The following PPP1R13B variants were observed in gnomAD, a reference collection of about 807,000 sequenced individuals.
The protein encoded by PPP1R13B is protein phosphatase 1 regulatory subunit 13B.
PPP1R13B carries 44 observed loss-of-function variants against 119.8 expected under a neutral mutation model. The ratio of observed to expected loss-of-function variants is 0.37; its 90% CI spans 0.29 to 0.47. The LOEUF is 0.47. PPP1R13B is among the 20% of genes least tolerant of loss of function. The pLI, the probability that PPP1R13B is intolerant of heterozygous loss-of-function variation, is 0.99. For missense variants in PPP1R13B, 1,227 were observed against 1,413.5 expected (o/e 0.87, Z 2.12); for synonymous variants, 542 against 561.5 (o/e 0.97, Z 0.49).
rs1262370906 is a variant in PPP1R13B, at chr14:103,804,892, AG to A, written c.10-7375del. 5.9e-5 allele frequency among the ~76,000 whole-genome samples: 9 copies of A among 152,358 alleles called. No homozygotes were observed. In the South Asian group the frequency reaches 1.0e-3, roughly 18 times the overall value. On this transcript the variant is annotated intron_variant, in intron 1 of 16. Coordinates refer to ENST00000202556, the MANE Select transcript of PPP1R13B (RefSeq NM_015316.3). ...TTGCATAACAGTCCAGCTGGAGTGC[AG>A]TGGCTCAATCTCAGCTCACTGCAAC... is the stretch of plus-strand genomic sequence containing the variant.
At chr14:103,787,867 G>A (rs1387665529) in intron 2 of PPP1R13B, among the ~76,000 whole-genome samples, 2 of 151,986 alleles carry the variant, frequency 1.3e-5, no homozygotes, top group Non-Finnish European at 2.9e-5. Context: ...AGCCAGGATG[G>A]TCTCGATTTC....
At chr14:103,795,384 A>T (rs1388815751) in intron 2 of PPP1R13B, among the ~76,000 whole-genome samples, 1 of 152,204 alleles carries the variant, frequency 6.6e-6, no homozygotes, top group Non-Finnish European at 1.5e-5. Context: ...AGGAGCATGT[A>T]CAAAAGCCAC....
chr14:103,777,554 A>AC (rs1406734756), intron 4 of PPP1R13B, among the ~76,000 whole-genome samples: 1 of 152,160 alleles, frequency 6.6e-6, no homozygotes, highest in Non-Finnish European at 1.5e-5. Flanking sequence ...GCACAGAGGC[A>AC]CCCACTGCCT....
chr14:103,768,910 T>C (rs1438676178), intron 4 of PPP1R13B, among the ~76,000 whole-genome samples: 3 of 152,194 alleles, frequency 2.0e-5, no homozygotes, highest in Non-Finnish European at 4.4e-5. Context: ...TACATGTACA[T>C]ATATTTCTGT....
At chr14:103,755,110 C>T (rs945102989) in intron 5 of PPP1R13B, among the ~76,000 whole-genome samples, 1 of 151,896 alleles carries the variant, frequency 6.6e-6, no homozygotes, top group Admixed American at 6.6e-5. Flanking sequence ...CTCATCTACA[C>T]CAGTTAATAT....
At chr14:103,801,990 A>G (rs977585816) in intron 1 of PPP1R13B, among the ~76,000 whole-genome samples, 13 of 152,358 alleles carry the variant, frequency 8.5e-5, no homozygotes, top group Admixed American at 7.8e-4. Context: ...GTATACTGAA[A>G]TAAGTAGCCT....
rs1265752259 is a variant in PPP1R13B at position 103,737,609 on chromosome 14, G to A, written c.3031+85C>T. On this transcript the variant is annotated intron_variant, in intron 15 of 16. Coordinates refer to ENST00000202556, the MANE Select transcript of PPP1R13B (RefSeq NM_015316.3). ...AAAAAAACAAACAGAAAGCTGTGCT[G>A]AAGCTTCTCTGGCACCGGCTGACTG... The A allele has an allele frequency of 4.0e-6, 6 of 1,489,012 alleles. No homozygotes were observed. The Admixed American group carries it at 6.3e-5, about 16-fold the overall frequency. 92.2% of individuals were successfully genotyped at this position (1,489,012 alleles called of 1,614,324 possible).
Position 103,742,031 on chromosome 14 carries a change from A to G in PPP1R13B, c.1581T>C (p.Ser527=). ...GTGGTCCCGCTGGCGGGTACGTGGGACTTGGCGGTACGGAAATCCTCTGCT... is the reference window on the plus strand; with the variant it reads ...GTGGTCCCGCTGGCGGGTACGTGGGGCTTGGCGGTACGGAAATCCTCTGCT... The part of the protein sequence containing the change: ...QIQQRISVPP[S]PTYPPAGPPA... The change falls in exon 11 of 17, where the codon AGT becomes AGC. Residue 527 remains serine, a synonymous_variant. Coordinates refer to ENST00000202556, the MANE Select transcript of PPP1R13B (RefSeq NM_015316.3). This position sits in a 1 kb window ranked among gnomAD's most constrained non-coding sequence, Gnocchi z 4.9. The G allele has an allele frequency of 6.2e-7, 1 of 1,614,188 alleles. No homozygotes were observed. Among genetic ancestry groups the G allele is most frequent in the Non-Finnish European group, 8.5e-7 (1 of 1,180,038 alleles).
upstream of PPP1R13B, chr14:103,847,693 G>A (rs2087096375): frequency 1.1e-6 from 1 of 895,244 alleles, no homozygotes; most frequent in African/African-American, 1.8e-5. Flanking sequence ...GCGGGGAGAG[G>A]GGCGGGGCTT....
chr14:103,778,877 T>C lies in PPP1R13B; in HGVS notation c.278-56A>G, dbSNP rs2085273134. 3 of 1,287,522 alleles carry C rather than the reference T, an allele frequency of 2.3e-6. No homozygotes were observed. The Admixed American group carries it at 5.3e-5, about 23-fold the overall frequency. 79.8% of individuals were successfully genotyped at this position (1,287,522 alleles called of 1,614,324 possible). On this transcript the variant is annotated intron_variant, in intron 3 of 16. Coordinates refer to ENST00000202556, the MANE Select transcript of PPP1R13B (RefSeq NM_015316.3). Reference sequence around the variant, plus strand: ...AAGGCGTATTAGAAAAAAGTAATATTCTCCCATTTCTTCATGTATTCAAAT... The same window carrying C: ...AAGGCGTATTAGAAAAAAGTAATATCCTCCCATTTCTTCATGTATTCAAAT...
intron 1 of PPP1R13B, chr14:103,846,717 A>G: frequency 2.2e-6 from 1 of 456,136 alleles, no homozygotes; most frequent in Non-Finnish European, 4.4e-6. Context: ...CACCACTACA[A>G]ACGAACCTCG....
rs1213863993 is a variant in PPP1R13B at position 103,742,204 on chromosome 14, G to A, written c.1408C>T (p.Pro470Ser). The change falls in exon 11 of 17, where the codon CCT becomes TCT. Residue 470 changes from proline (P) to serine (S), a missense_variant. Pro to Ser is a moderately conservative substitution (Grantham distance 74, BLOSUM62 -1). Transcript: ENST00000202556. The surrounding 1 kb of genome is among the most constrained non-coding windows in gnomAD (Gnocchi z 4.9). Reference sequence around the variant, plus strand: ...GAGCTTGTCGACCCAGGACCCAGAGGTGTAGGACTTGGGTATGTCCCATAG... The same window carrying A: ...GAGCTTGTCGACCCAGGACCCAGAGATGTAGGACTTGGGTATGTCCCATAG... ...PSYGTYPSPT[P>S]LGPGSTSSLE... The A allele has an allele frequency of 6.2e-7, 1 of 1,603,150 alleles. No homozygotes were observed. The highest frequency in any genetic ancestry group is 8.5e-7 in the Non-Finnish European group (1 of 1,179,914).
chr14:103,803,292 T>A (rs545063547), intron 1 of PPP1R13B, among the ~76,000 whole-genome samples: 78 of 152,050 alleles, frequency 5.1e-4, no homozygotes, highest in Non-Finnish European at 1.0e-3. Context: ...GGAAACTAAA[T>A]GAAAAAAGAA....
intron 2 of PPP1R13B, among the ~76,000 whole-genome samples, chr14:103,795,768 GCT>G (rs2085743788): frequency 6.6e-6 from 1 of 152,114 alleles, no homozygotes; most frequent in African/African-American, 2.4e-5. Flanking sequence ...CTGTCATTAG[GCT>G]AACAATTGAG....
intron 2 of PPP1R13B, among the ~76,000 whole-genome samples, chr14:103,795,526 G>C (rs187082762): frequency 1.6e-4 from 25 of 152,318 alleles, no homozygotes; most frequent in Admixed American, 1.0e-3. Context: ...GTATGAGAGA[G>C]ACAAGCATTC....
At chr14:103,813,746 ATAGATACGTG>A in intron 1 of PPP1R13B, among the ~76,000 whole-genome samples, 1 of 152,162 alleles carries the variant, frequency 6.6e-6, no homozygotes, top group Non-Finnish European at 1.5e-5. Context: ...TTTGACACGT[ATAGATACGTG>A]TCTGAGTATT....
rs188207787 is a variant in PPP1R13B, at chr14:103,778,857, G to T, written c.278-36C>A. The T allele has an allele frequency of 1.4e-3, 2,131 of 1,511,174 alleles. 3 individuals are homozygous for T. Among genetic ancestry groups the T allele is most frequent in the Non-Finnish European group, 1.8e-3 (1,940 of 1,091,196 alleles). The allele number at this position is 1,511,174 out of a possible 1,614,324, so 93.6% of individuals were successfully genotyped here. A position where few individuals can be genotyped will look rare whatever the true frequency, so the allele number is the denominator to read the frequency against. The stretch of plus-strand genomic sequence containing the variant: ...AAAAGAACCAAACTCACCAAAAGGC[G>T]TATTAGAAAAAAGTAATATTCTCCC... On this transcript the variant is annotated intron_variant, in intron 3 of 16. Coordinates refer to ENST00000202556, the MANE Select transcript of PPP1R13B (RefSeq NM_015316.3).
At chr14:103,806,193 G>A (rs1454858787) in intron 1 of PPP1R13B, among the ~76,000 whole-genome samples, 1 of 152,156 alleles carries the variant, frequency 6.6e-6, no homozygotes, top group Non-Finnish European at 1.5e-5. Flanking sequence ...CTGCTCCTTA[G>A]TCTATCTCTG....
rs2086500850 is a variant in PPP1R13B at position 103,824,898 on chromosome 14, C to T, written c.9+22401G>A. ...CAAATATATTTGTTGAAAGTACAGG[C>T]ATATCTTGTTTTATTGTGCTTTGCT... On this transcript the variant is annotated intron_variant, in intron 1 of 16. Coordinates refer to ENST00000202556, the MANE Select transcript of PPP1R13B (RefSeq NM_015316.3). 2.0e-5 allele frequency among the ~76,000 whole-genome samples: 3 copies of T among 152,134 alleles called. No individual in the cohort carries two copies. In the South Asian group the frequency reaches 6.2e-4, roughly 32 times the overall value.
Sources: allele counts gnomAD v4.1 joint callset (sites outside exome capture counted in the v4.1 genomes callset), GRCh38; gene constraint gnomAD v4.1.1; non-coding constraint Gnocchi (gnomAD v3.1); transcripts MANE v1.5; gene names NCBI Gene and HGNC (gene_info 2026-07-23, HGNC 2026-07-21).